The following LMF1 variants were observed in gnomAD, a reference collection of about 807,000 sequenced individuals.
LMF1 encodes the protein lipase maturation factor 1.
Under a neutral mutation model 60.6 loss-of-function variants are expected in LMF1, and 68 were observed. The ratio of observed to expected loss-of-function variants is 1.12; its 90% CI spans 0.92 to 1.37. The LOEUF (loss-of-function observed/expected upper bound fraction) is 1.37, where lower values mean the gene tolerates loss of function less well. Among genes scored for constraint, LMF1 ranks in the 40% most tolerant of loss-of-function variants. The probability of loss-of-function intolerance (pLI) is 0.00; values close to 1 mark genes in which losing one functional copy is unlikely to be tolerated. For missense variants in LMF1, 948 were observed against 767.2 expected, an observed-to-expected ratio of 1.24 and a Z score of -2.78; for synonymous variants, 418 against 324.7, an observed-to-expected ratio of 1.29 and a Z score of -3.09.
At chr16:956,630 G>C (rs1034475964) in intron 1 of LMF1, among the ~76,000 whole-genome samples, 73 of 152,202 alleles carry the variant, frequency 4.8e-4, no homozygotes, top group African/African-American at 1.8e-3. Context: ...GATCACCTGA[G>C]ATCAGGAGTT....
chr16:944,279 C>T (rs1199548491), intron 2 of LMF1, among the ~76,000 whole-genome samples: 6 of 150,822 alleles, frequency 4.0e-5, no homozygotes, highest in Non-Finnish European at 1.5e-5. Flanking sequence ...ACTCTACCCG[C>T]CACTTTCCAC....
At chr16:877,043 G>C (rs562312215) in intron 6 of LMF1, among the ~76,000 whole-genome samples, 2 of 152,312 alleles carry the variant, frequency 1.3e-5, no homozygotes, top group Non-Finnish European at 2.9e-5. Context: ...GTGTCGGTGA[G>C]GACACAGGCC....
At position 862,763 on chromosome 16, in the gene LMF1, C is replaced by T. The variant is rs574124542; in HGVS notation, c.1529+6181G>A. On this transcript the variant is annotated intron_variant, in intron 10 of 10. Coordinates refer to ENST00000262301, the MANE Select transcript of LMF1 (RefSeq NM_022773.4). ...GTCCCAGCTACCTGGGAGGCTGAGG[C>T]GGGAGGATAATTTGAGCTGAGGAGG... Among the ~76,000 whole-genome samples, 107 of 151,928 alleles carry T rather than the reference C, an allele frequency of 7.0e-4. No homozygotes were observed. The South Asian group carries it at 0.017, about 24-fold the overall frequency.
chr16:921,289 GAC>G (rs2071423371), intron 3 of LMF1: 1 of 152,250 alleles, frequency 6.6e-6, no homozygotes, highest in South Asian at 2.1e-4. Context: ...CCCCTTTTCA[GAC>G]AGCGCAGAGC....
chr16:895,892 C>G lies in LMF1; in HGVS notation c.664-2820G>C, dbSNP rs11862666. Among the ~76,000 whole-genome samples the G allele has an allele frequency of 2.5e-5, 3 of 122,040 alleles. 1 individual carries two copies. Among genetic ancestry groups the G allele is most frequent in the Non-Finnish European group, 1.7e-5 (1 of 58,124 alleles). The allele number at this position is 122,040 out of a possible 152,430, so 80.1% of individuals were successfully genotyped here. ...CTCAGCCACCCACACGCAGGCTGCA[C>G]GGTCCACAGACACGCCTCGGAGGGG... On this transcript the variant is annotated intron_variant, in intron 4 of 10. Transcript: ENST00000262301.
chr16:966,185 C>A (rs561226042), intron 1 of LMF1, among the ~76,000 whole-genome samples: 6 of 152,178 alleles, frequency 3.9e-5, no homozygotes, highest in Non-Finnish European at 5.9e-5. Context: ...AGATGCCTCA[C>A]GTGGCGGGGA....
chr16:954,782 G>A, intron 1 of LMF1, 116 bp from the exon 2 acceptor site: 3 of 963,680 alleles, frequency 3.1e-6, no homozygotes, highest in Non-Finnish European at 4.5e-6. Flanking sequence ...GAGTCTGGCT[G>A]ACGGTTTGGG....
intron 4 of LMF1, chr16:893,365 G>T: frequency 1.9e-6 from 1 of 532,468 alleles, no homozygotes; most frequent in South Asian, 1.5e-5. Flanking sequence ...GCATCATCAC[G>T]CTACAGAAGT....
At chr16:959,079 C>A (rs1037927637) in intron 1 of LMF1, among the ~76,000 whole-genome samples, 1 of 152,122 alleles carries the variant, frequency 6.6e-6, no homozygotes, top group Non-Finnish European at 1.5e-5. Context: ...ACCTCTCAGG[C>A]CTTCAACCTG....
At chr16:967,145 C>T (rs1596172037) in intron 1 of LMF1, among the ~76,000 whole-genome samples, 1 of 152,318 alleles carries the variant, frequency 6.6e-6, no homozygotes, top group Admixed American at 6.5e-5. Context: ...AGGAGTCCAG[C>T]CCCAGCTGCC....
chr16:918,729 A>C (rs932131944), intron 3 of LMF1, among the ~76,000 whole-genome samples: 3 of 138,726 alleles, frequency 2.2e-5, no homozygotes, highest in African/African-American at 8.0e-5. Context: ...CGTGGCTGAG[A>C]AGCACATTTT....
chr16:878,234 G>A lies in LMF1; in HGVS notation c.897+1336C>T, dbSNP rs560372057. Among the ~76,000 whole-genome samples the A allele has an allele frequency of 6.5e-4, 99 of 152,238 alleles. No homozygotes were observed. The highest frequency in any genetic ancestry group is 4.9e-4 in the Non-Finnish European group (33 of 68,024). On this transcript the variant is annotated intron_variant, in intron 6 of 10. Transcript: ENST00000262301. The surrounding 1 kb of genome is among the most constrained non-coding windows in gnomAD (Gnocchi z 5.2). ...AAACGTGCGGTCCTGGCTGGGGGACGATCTGTGAGCAAGTCCGTTCTTCCC... is the reference window on the plus strand; with the variant it reads ...AAACGTGCGGTCCTGGCTGGGGGACAATCTGTGAGCAAGTCCGTTCTTCCC...
chr16:916,289 A>G (rs2071276581), intron 3 of LMF1, among the ~76,000 whole-genome samples: 2 of 152,212 alleles, frequency 1.3e-5, no homozygotes, highest in Non-Finnish European at 1.5e-5. Context: ...CAGGAAATCC[A>G]TTAAGTTCGC....
intron 3 of LMF1, among the ~76,000 whole-genome samples, chr16:916,576 TCGCTGCGCG>T (rs1184791108): frequency 5.3e-5 from 8 of 152,230 alleles, no homozygotes; most frequent in African/African-American, 1.9e-4. Context: ...AGTTCGGCTC[TCGCTGCGCG>T]CCAGTGGCGG....
chr16:962,783 G>C lies in LMF1; in HGVS notation c.193+8005C>G, dbSNP rs1397754555. ...GAACGGAACAGGCACGGGTGGAAAA[G>C]CCATAGAGTCTGCAGTTTCAGTTAA... On this transcript the variant is annotated intron_variant, in intron 1 of 10. Coordinates refer to ENST00000262301, the MANE Select transcript of LMF1 (RefSeq NM_022773.4). This position sits in a 1 kb window ranked among gnomAD's most constrained non-coding sequence, Gnocchi z 4.5. 6.6e-6 allele frequency among the ~76,000 whole-genome samples: 1 copy of C among 152,160 alleles called. No individual in the cohort carries two copies. The highest frequency in any genetic ancestry group is 2.4e-5 in the African/African-American group (1 of 41,426).
At chr16:980,684 C>G (rs939937489) in intron 1 of LMF1, 7 of 130,620 alleles carry the variant, frequency 5.4e-5, no homozygotes, top group African/African-American at 2.1e-4. Flanking sequence ...ACGGCCGGGC[C>G]GAGGCCACCT....
chr16:967,354 T>C (rs1310872174), intron 1 of LMF1, among the ~76,000 whole-genome samples: 1 of 152,224 alleles, frequency 6.6e-6, no homozygotes, highest in Non-Finnish European at 1.5e-5. Flanking sequence ...TGGGGGTTCC[T>C]GCCATAAAAC....
chr16:864,093 TTC>T (rs2069544362), intron 10 of LMF1, among the ~76,000 whole-genome samples: 1 of 152,150 alleles, frequency 6.6e-6, no homozygotes, highest in Non-Finnish European at 1.5e-5. Context: ...CTCCTTTCAG[TTC>T]TTTTTCTTCA....
intron 4 of LMF1, among the ~76,000 whole-genome samples, chr16:909,317 AAG>A (rs1221156196): frequency 6.6e-6 from 1 of 152,130 alleles, no homozygotes; most frequent in African/African-American, 2.4e-5. Flanking sequence ...ACGAGATGGA[AAG>A]AAGAGCTATG....
Sources: allele counts gnomAD v4.1 joint callset (sites outside exome capture counted in the v4.1 genomes callset), GRCh38; gene constraint gnomAD v4.1.1; non-coding constraint Gnocchi (gnomAD v3.1); transcripts MANE v1.5; gene names NCBI Gene and HGNC (gene_info 2026-07-23, HGNC 2026-07-21).